Variants in UVRAG observed in about 807,000 individuals in gnomAD.
UVRAG encodes the protein UV radiation resistance associated.
Under a neutral mutation model 78.0 loss-of-function variants are expected in UVRAG, and 19 were observed. That is an observed-to-expected ratio of 0.24 (90% CI 0.17 to 0.36). UVRAG has a LOEUF of 0.36. UVRAG is among the 10% of genes least tolerant of loss of function. The probability of loss-of-function intolerance (pLI) is 1.00; values close to 1 mark genes in which losing one functional copy is unlikely to be tolerated. For missense variants in UVRAG, 740 were observed against 853.8 expected, an observed-to-expected ratio of 0.87 and a Z score of 1.66; for synonymous variants, 323 against 324.6, an observed-to-expected ratio of 1.00 and a Z score of 0.05.
intron 6 of UVRAG, among the ~76,000 whole-genome samples, chr11:75,912,375 C>CG (rs1947758718): frequency 6.6e-6 from 1 of 152,176 alleles, no homozygotes; most frequent in Non-Finnish European, 1.5e-5. Context: ...TTAACAACTG[C>CG]GGCATCACTC....
chr11:75,859,384 A>G (rs925698792), intron 2 of UVRAG, among the ~76,000 whole-genome samples: 2 of 152,022 alleles, frequency 1.3e-5, no homozygotes, highest in Non-Finnish European at 2.9e-5. Flanking sequence ...TCAAAAAAAA[A>G]AAAAGAAAAT....
chr11:76,139,379 C>G (rs545294250), intron 14 of UVRAG, among the ~76,000 whole-genome samples: 33 of 152,188 alleles, frequency 2.2e-4, no homozygotes, highest in Non-Finnish European at 3.8e-4. Context: ...ATGTCTTTCT[C>G]CTGCAGGACT....
chr11:76,009,209 G>A (rs186629273), intron 11 of UVRAG, among the ~76,000 whole-genome samples: 7 of 152,222 alleles, frequency 4.6e-5, no homozygotes, highest in African/African-American at 1.2e-4. Flanking sequence ...CAGAGGAACA[G>A]CAAACAAAAT....
At chr11:75,830,595 A>T (rs568182457) in intron 1 of UVRAG, among the ~76,000 whole-genome samples, 1 of 152,286 alleles carries the variant, frequency 6.6e-6, no homozygotes, top group Non-Finnish European at 1.5e-5. Context: ...ATATGGTGTC[A>T]TAAGAAGACT....
intron 5 of UVRAG, chr11:75,911,614 C>T: frequency 5.0e-6 from 1 of 199,060 alleles, no homozygotes; most frequent in Non-Finnish European, 1.0e-5. Flanking sequence ...CTGCTCTGCC[C>T]CCTCGGGGTC....
At chr11:75,825,514 C>T (rs1238968813) in intron 1 of UVRAG, among the ~76,000 whole-genome samples, 1 of 152,204 alleles carries the variant, frequency 6.6e-6, no homozygotes, top group African/African-American at 2.4e-5. Context: ...AGAATGGAAA[C>T]TTGACATTGG....
rs78753443 is a variant in UVRAG, at chr11:76,143,849, A to G, written c.*2436A>G. 7.6e-4 allele frequency among the ~76,000 whole-genome samples: 116 copies of G among 152,370 alleles called. 1 individual carries two copies. The highest frequency in any genetic ancestry group is 1.3e-3 in the Non-Finnish European group (87 of 68,040). ...ATCACTAAGAAAATTGTTTGCTTGGAAGATATAAGTTGAATTGGAAACTCA... is the reference window on the plus strand; with the variant it reads ...ATCACTAAGAAAATTGTTTGCTTGGGAGATATAAGTTGAATTGGAAACTCA... On this transcript the variant is annotated 3_prime_UTR_variant, in exon 15 of 15. Coordinates refer to ENST00000356136, the MANE Select transcript of UVRAG (RefSeq NM_003369.4).
chr11:75,870,844 G>A (rs951495000), intron 3 of UVRAG, among the ~76,000 whole-genome samples: 1 of 151,922 alleles, frequency 6.6e-6, no homozygotes, highest in Non-Finnish European at 1.5e-5. Context: ...AATGAAACAC[G>A]ATCATCTTTT....
At chr11:75,892,232 C>A in intron 5 of UVRAG, 1 of 598,118 alleles carries the variant, frequency 1.7e-6, no homozygotes, top group Non-Finnish European at 2.1e-6. Flanking sequence ...CAGTCACACA[C>A]AGGTCCATCT....
chr11:76,011,861 G>A (rs1188059354), intron 11 of UVRAG, among the ~76,000 whole-genome samples: 1 of 152,134 alleles, frequency 6.6e-6, no homozygotes, highest in Non-Finnish European at 1.5e-5. Flanking sequence ...GCACTTAGAA[G>A]TTTATAGCAG....
rs145682691 is a variant in UVRAG, at chr11:75,856,053, G to A, written c.235+4053G>A. ...CGCCCAGGCTGGAGTGCAGTGGCGCGATTCCAGCTCACTGCAAGCTCCGCC... is the reference window on the plus strand; with the variant it reads ...CGCCCAGGCTGGAGTGCAGTGGCGCAATTCCAGCTCACTGCAAGCTCCGCC... On this transcript the variant is annotated intron_variant, in intron 2 of 14. Transcript: ENST00000356136. Among the ~76,000 whole-genome samples, 67 of 151,918 alleles carry A rather than the reference G, an allele frequency of 4.4e-4. 1 individual carries two copies. The East Asian group carries it at 7.6e-3, about 17-fold the overall frequency.
At chr11:76,034,684 C>T (rs1405047692) in intron 12 of UVRAG, among the ~76,000 whole-genome samples, 1 of 152,062 alleles carries the variant, frequency 6.6e-6, no homozygotes. Context: ...TTTATAGTAG[C>T]AGTTTGCCAT....
intron 7 of UVRAG, among the ~76,000 whole-genome samples, chr11:75,965,788 G>A (rs917845820): frequency 2.0e-5 from 3 of 152,024 alleles, no homozygotes; most frequent in African/African-American, 4.8e-5. Flanking sequence ...TTGCAATCTT[G>A]TTATATTAAC....
chr11:76,046,286 A>C (rs1950754585), intron 12 of UVRAG, among the ~76,000 whole-genome samples: 1 of 152,226 alleles, frequency 6.6e-6, no homozygotes, highest in African/African-American at 2.4e-5. Context: ...AACATTATTC[A>C]TGGAAAAGGA....
At chr11:75,859,520 A>G (rs1410042996) in intron 2 of UVRAG, among the ~76,000 whole-genome samples, 2 of 152,100 alleles carry the variant, frequency 1.3e-5, no homozygotes, top group African/African-American at 4.8e-5. Context: ...AACAATAACA[A>G]TAAAAATTAT....
intron 12 of UVRAG, among the ~76,000 whole-genome samples, chr11:76,024,042 G>A (rs530986749): frequency 2.0e-5 from 3 of 152,262 alleles, no homozygotes; most frequent in African/African-American, 7.2e-5. Context: ...GTAGTTCTCT[G>A]GAGACTGGGA....
intron 5 of UVRAG, among the ~76,000 whole-genome samples, chr11:75,896,505 A>T (rs535318095): frequency 6.6e-6 from 1 of 152,338 alleles, no homozygotes; most frequent in South Asian, 2.1e-4. Context: ...GATTGATATA[A>T]GTTTAATTAT....
At chr11:75,970,713 A>G (rs1380904480) in intron 7 of UVRAG, among the ~76,000 whole-genome samples, 1 of 150,114 alleles carries the variant, frequency 6.7e-6, no homozygotes, top group Non-Finnish European at 1.5e-5. Context: ...AGCCTGGGCA[A>G]CAGAGCGAGA....
chr11:76,123,123 C>G (rs1352525939), intron 14 of UVRAG, among the ~76,000 whole-genome samples: 1 of 152,166 alleles, frequency 6.6e-6, no homozygotes, highest in East Asian at 1.9e-4. Context: ...AATGGCCATT[C>G]TCTTCCTTCT....
Sources: gnomAD v4.1 joint callset for allele counts (sites outside exome capture counted in the v4.1 genomes callset) on GRCh38, gnomAD v4.1.1 for gene constraint, MANE v1.5 for transcripts, NCBI Gene and HGNC (gene_info 2026-07-23, HGNC 2026-07-21) for gene names.